The following KDM4B variants were observed in gnomAD, a reference collection of about 807,000 sequenced individuals.
The protein encoded by KDM4B is lysine demethylase 4B.
In KDM4B, 32 loss-of-function variants were observed where a neutral mutation model predicts 125.2. The ratio of observed to expected loss-of-function variants is 0.26; its 90% CI spans 0.19 to 0.34. The LOEUF (loss-of-function observed/expected upper bound fraction) is 0.34. Among genes scored for constraint, KDM4B ranks in the 10% least tolerant of loss-of-function variants. The pLI, the probability that KDM4B is intolerant of heterozygous loss-of-function variation, is 1.00. For missense variants in KDM4B, 1,190 were observed against 1,577.7 expected (o/e 0.75, Z 4.16); for synonymous variants, 721 against 677.9 (o/e 1.06, Z -0.99).
At chr19:5,063,814 C>T (rs1032802344) in intron 6 of KDM4B, among the ~76,000 whole-genome samples, 12 of 152,244 alleles carry the variant, frequency 7.9e-5, no homozygotes, top group Admixed American at 2.0e-4. Context: ...CGGCGCAGCA[C>T]GGTGGCCACC....
At chr19:5,144,468 T>C (rs1480829194) in intron 20 of KDM4B, 56 bp downstream of exon 20, 31 of 1,447,342 alleles carry the variant, frequency 2.1e-5, no homozygotes, top group Non-Finnish European at 2.8e-5. Context: ...AGCGACAACC[T>C]GTACCCTGAG....
Position 5,132,006 on chromosome 19 carries a change from G to A in KDM4B, c.1905G>A (p.Glu635=), listed in dbSNP as rs1056080864. 2 of 1,603,824 alleles carry A rather than the reference G, an allele frequency of 1.2e-6. No individual in the cohort carries two copies. The highest frequency in any genetic ancestry group is 1.7e-6 in the Non-Finnish European group (2 of 1,175,738). The part of the protein sequence containing the change: ...SVVKQEASSD[E]EASPFSGEED... The stretch of plus-strand genomic sequence containing the variant: ...TGAAGCAGGAGGCCTCAAGTGACGA[G>A]GGTGAGTGGGGGGTCCCCAGGTCGG... Residue 635 remains glutamate, a splice_region_variant and synonymous_variant, in exon 13 of 23, where the codon GAG becomes GAA. Transcript: ENST00000159111.
At chr19:5,113,851 G>A (rs779690736) in intron 10 of KDM4B, 58 of 976,592 alleles carry the variant, frequency 5.9e-5, no homozygotes, top group Middle Eastern at 5.2e-4. Flanking sequence ...CCCTGCCCTC[G>A]GCGTGGCTGT....
chr19:5,068,989 A>C (rs1411813815), intron 6 of KDM4B, among the ~76,000 whole-genome samples: 1 of 152,226 alleles, frequency 6.6e-6, no homozygotes, highest in Non-Finnish European at 1.5e-5. Flanking sequence ...CGTCCCCAGC[A>C]TCTTCCCAGA....
chr19:4,984,427 C>T lies in KDM4B; in HGVS notation c.-109+15197C>T, dbSNP rs115435558. Reference sequence around the variant, plus strand: ...AGCAACTTGAAAATAATAGTTTTTGCGGCCTCTTTATTATAATGGGGCAGC... The same window carrying T: ...AGCAACTTGAAAATAATAGTTTTTGTGGCCTCTTTATTATAATGGGGCAGC... On this transcript the variant is annotated intron_variant, in intron 1 of 22. Coordinates refer to ENST00000159111, the MANE Select transcript of KDM4B (RefSeq NM_015015.3). 7.2e-3 allele frequency among the ~76,000 whole-genome samples: 1,099 copies of T among 152,246 alleles called. 10 individuals are homozygous for T. The highest frequency in any genetic ancestry group is 0.025 in the African/African-American group (1,046 of 41,542).
At chr19:5,029,499 T>A (rs2036384544) in intron 2 of KDM4B, among the ~76,000 whole-genome samples, 1 of 152,244 alleles carries the variant, frequency 6.6e-6, no homozygotes, top group African/African-American at 2.4e-5. Flanking sequence ...TTTAGTTTTC[T>A]CTGTATGATT....
At chr19:5,075,201 T>G (rs1169136300) in intron 7 of KDM4B, 1 of 152,324 alleles carries the variant, frequency 6.6e-6, no homozygotes, top group Non-Finnish European at 1.5e-5. Flanking sequence ...GAGCAGGAAG[T>G]GCCCGAGATG....
chr19:5,063,345 C>T (rs925827735), intron 6 of KDM4B, among the ~76,000 whole-genome samples: 3 of 152,148 alleles, frequency 2.0e-5, no homozygotes, highest in African/African-American at 4.8e-5. Flanking sequence ...TGGGGTTTCC[C>T]ATTTGTTCAT....
At chr19:5,047,732 C>T in intron 6 of KDM4B, 63 bp downstream of exon 6, 1 of 1,536,180 alleles carries the variant, frequency 6.5e-7, no homozygotes, top group Non-Finnish European at 8.9e-7. Flanking sequence ...GGAGTCAATC[C>T]CGGGTACACG....
intron 18 of KDM4B, among the ~76,000 whole-genome samples, chr19:5,139,095 A>C (rs1221159078): frequency 6.6e-6 from 1 of 151,676 alleles, no homozygotes; most frequent in Non-Finnish European, 1.5e-5. Flanking sequence ...GTTAACTCCC[A>C]ATTTTTTTTT....
intron 1 of KDM4B, among the ~76,000 whole-genome samples, chr19:4,981,446 C>T (rs2034638774): frequency 6.6e-6 from 1 of 152,196 alleles, no homozygotes. Flanking sequence ...GGAGAGCACG[C>T]TGCTCCCTGG....
chr19:5,038,365 A>G (rs1403142305), intron 3 of KDM4B, among the ~76,000 whole-genome samples: 1 of 152,226 alleles, frequency 6.6e-6, no homozygotes, highest in Non-Finnish European at 1.5e-5. Flanking sequence ...GCTGGGGACA[A>G]GGCCAGGAGC....
At chr19:5,015,286 C>T (rs1169523299) in intron 1 of KDM4B, among the ~76,000 whole-genome samples, 2 of 152,020 alleles carry the variant, frequency 1.3e-5, no homozygotes, top group Non-Finnish European at 2.9e-5. Flanking sequence ...CTTGCTCTGT[C>T]ACCCAGGTTG....
intron 6 of KDM4B, among the ~76,000 whole-genome samples, chr19:5,063,691 T>C (rs1314501982): frequency 6.6e-6 from 1 of 152,222 alleles, no homozygotes; most frequent in Non-Finnish European, 1.5e-5. Flanking sequence ...GTGTCCCCAG[T>C]GCGGTGAATA....
intron 1 of KDM4B, among the ~76,000 whole-genome samples, chr19:4,994,036 T>G (rs1216925777): frequency 6.7e-6 from 1 of 150,196 alleles, no homozygotes; most frequent in Non-Finnish European, 1.5e-5. Flanking sequence ...TTTTTTTTTT[T>G]TTTTTTGTTA....
rs1447054673 is a variant in KDM4B, at chr19:5,081,522, T to C, written c.781-845T>C. On this transcript the variant is annotated intron_variant, in intron 8 of 22. Coordinates refer to ENST00000159111, the MANE Select transcript of KDM4B (RefSeq NM_015015.3). The surrounding 1 kb of genome is among the most constrained non-coding windows in gnomAD (Gnocchi z 4.2). ...TTGGGAAACCTTGGGTCTGGGGTCA[T>C]TGTGGGCCCCACCCCAGCCACGCAC... 6.6e-6 allele frequency among the ~76,000 whole-genome samples: 1 copy of C among 152,060 alleles called. No homozygotes were observed. Among genetic ancestry groups the C allele is most frequent in the African/African-American group, 2.4e-5 (1 of 41,412 alleles).
At position 5,141,871 on chromosome 19, in the gene KDM4B, C is replaced by T. The variant is rs553946286; in HGVS notation, c.2551-2096C>T. On this transcript the variant is annotated intron_variant, in intron 18 of 22. Transcript: ENST00000159111. This position sits in a 1 kb window ranked among gnomAD's most constrained non-coding sequence, Gnocchi z 6.4. ...GGGAGGGGCTTGGGATGGGGGGAGG[C>T]GCCTCCAGGGCAGCAGGAGGGGTGG... Among the ~76,000 whole-genome samples, 9 of 151,998 alleles carry T rather than the reference C, an allele frequency of 5.9e-5. No individual in the cohort carries two copies. The East Asian group carries it at 1.4e-3, about 23-fold the overall frequency.
In KDM4B at chr19:5,115,912, C is replaced by T. The variant is rs900780710; in HGVS notation, c.1116-3741C>T. 1.3e-5 allele frequency among the ~76,000 whole-genome samples: 2 copies of T among 152,036 alleles called. No individual in the cohort carries two copies. The highest frequency in any genetic ancestry group is 4.8e-5 in the African/African-American group (2 of 41,388). On this transcript the variant is annotated intron_variant, in intron 10 of 22. Coordinates refer to ENST00000159111, the MANE Select transcript of KDM4B (RefSeq NM_015015.3). This position sits in a 1 kb window ranked among gnomAD's most constrained non-coding sequence, Gnocchi z 4.2. The stretch of plus-strand genomic sequence containing the variant: ...GAGGCGTAGTCTAGGAAATCTAGCC[C>T]CTGATAGGAGTTTCAGAAAAAGAAA...
intron 7 of KDM4B, among the ~76,000 whole-genome samples, chr19:5,072,603 A>G (rs1259042414): frequency 6.6e-6 from 1 of 152,226 alleles, no homozygotes; most frequent in East Asian, 1.9e-4. Context: ...CTCCCATTGT[A>G]TGTTTTTAAT....
Sources: gnomAD v4.1 joint callset for allele counts (sites outside exome capture counted in the v4.1 genomes callset) on GRCh38, gnomAD v4.1.1 for gene constraint, Gnocchi (gnomAD v3.1) non-coding constraint, MANE v1.5 for transcripts, NCBI Gene and HGNC (gene_info 2026-07-23, HGNC 2026-07-21) for gene names.